AMOTL1: variants seen among roughly 807,000 people sequenced by gnomAD.
AMOTL1 encodes the protein angiomotin-like protein 1.
In AMOTL1, 45 loss-of-function variants were observed where a neutral mutation model predicts 102.9. That is an observed-to-expected ratio of 0.44 (90% CI 0.34 to 0.56). The LOEUF (loss-of-function observed/expected upper bound fraction) is 0.56. Ranked by LOEUF, AMOTL1 falls within the 20% of genes least tolerant of loss-of-function variation. The pLI is 0.01. For synonymous variants in AMOTL1, 481 were observed against 484.7 expected (o/e 0.99, Z 0.10); for missense variants, 1,114 against 1,225.6 (o/e 0.91, Z 1.36).
chr11:94,727,899 A>G (rs1009583540), intron 1 of AMOTL1, among the ~76,000 whole-genome samples: 14 of 152,164 alleles, frequency 9.2e-5, no homozygotes, highest in African/African-American at 3.1e-4. Context: ...ATATTTTTCC[A>G]GGCAGATAGC....
chr11:94,735,237 C>G (rs1055083199), intron 2 of AMOTL1, among the ~76,000 whole-genome samples: 1 of 152,232 alleles, frequency 6.6e-6, no homozygotes, highest in Non-Finnish European at 1.5e-5. Flanking sequence ...CAGACTGCTA[C>G]AGGGCAGGTT....
chr11:94,836,595 T>C (rs537109663), intron 6 of AMOTL1, among the ~76,000 whole-genome samples: 2 of 152,342 alleles, frequency 1.3e-5, no homozygotes, highest in South Asian at 4.1e-4. Flanking sequence ...GCAGTGTCAG[T>C]ATCAAAATAT....
intron 1 of AMOTL1, among the ~76,000 whole-genome samples, chr11:94,773,336 A>G (rs1290376574): frequency 6.6e-6 from 1 of 152,172 alleles, no homozygotes; most frequent in Admixed American, 6.5e-5. Context: ...TTCTTCTAAA[A>G]GTTTTATAGT....
chr11:94,814,115 T>A (rs1951726966), intron 3 of AMOTL1, among the ~76,000 whole-genome samples: 2 of 152,174 alleles, frequency 1.3e-5, no homozygotes, highest in African/African-American at 4.8e-5. Flanking sequence ...TCACTTATGG[T>A]CAATGGGAGC....
chr11:94,854,855 A>G (rs1341758402), intron 8 of AMOTL1, among the ~76,000 whole-genome samples: 5 of 152,212 alleles, frequency 3.3e-5, no homozygotes, highest in South Asian at 2.1e-4. Context: ...ATGTAAGACC[A>G]TCCCTAGAAA....
rs1391673139 is a variant in AMOTL1 at position 94,821,788 on chromosome 11, G to C, written c.1380G>C (p.Gln460His). The C allele has an allele frequency of 1.9e-6, 3 of 1,613,932 alleles. No individual in the cohort carries two copies. The highest frequency in any genetic ancestry group is 2.5e-6 in the Non-Finnish European group (3 of 1,179,916). Residue 460 changes from glutamine to histidine, a missense_variant, in exon 4 of 13, where the codon CAG becomes CAC. Physicochemically the swap from Gln to His is conservative, Grantham distance 24. Transcript: ENST00000433060. ...EENRVLHQEL[Q>H]GYYDNADKLH... ...ACCGGGTGCTTCACCAGGAACTTCA[G>C]GGTTACTACGACAATGCCGACAAGC...
At chr11:94,841,445 C>CT (rs1198388211) in intron 6 of AMOTL1, among the ~76,000 whole-genome samples, 1 of 152,064 alleles carries the variant, frequency 6.6e-6, no homozygotes, top group Non-Finnish European at 1.5e-5. Flanking sequence ...GAGCCAGACT[C>CT]TGTCTCAAAA....
chr11:94,728,723 G>A (rs1565329580), intron 1 of AMOTL1, among the ~76,000 whole-genome samples: 1 of 152,072 alleles, frequency 6.6e-6, no homozygotes, highest in Admixed American at 6.5e-5. Flanking sequence ...TTTGTTAACT[G>A]AATGGTGAGG....
At position 94,858,757 on chromosome 11, in the gene AMOTL1, C is replaced by T. The variant is rs142832929; in HGVS notation, c.1945-768C>T. ...CTCTGAAGGCAGAACTTTCTCAGAGCGCCATCTTCTTCTGTGTCATGCTCT... is the reference window on the plus strand; with the variant it reads ...CTCTGAAGGCAGAACTTTCTCAGAGTGCCATCTTCTTCTGTGTCATGCTCT... On this transcript the variant is annotated intron_variant, in intron 8 of 12. Transcript: ENST00000433060. Among the ~76,000 whole-genome samples, 21 of 152,290 alleles carry T rather than the reference C, an allele frequency of 1.4e-4. No individual in the cohort carries two copies. The East Asian group carries it at 3.5e-3, about 25-fold the overall frequency.
chr11:94,823,960 C>T (rs1369480989), intron 4 of AMOTL1, among the ~76,000 whole-genome samples: 2 of 151,922 alleles, frequency 1.3e-5, no homozygotes, highest in Non-Finnish European at 2.9e-5. Flanking sequence ...ACCTCGTGAT[C>T]CGCCCACCTC....
chr11:94,868,620 G>A (rs1244944544), intron 11 of AMOTL1, among the ~76,000 whole-genome samples: 1 of 152,188 alleles, frequency 6.6e-6, no homozygotes, highest in African/African-American at 2.4e-5. Flanking sequence ...ATCCAAGCCT[G>A]TGGGGGACCA....
At chr11:94,830,292 G>A in intron 5 of AMOTL1, 98 bp downstream of exon 5, 1 of 1,129,268 alleles carries the variant, frequency 8.9e-7, no homozygotes, top group South Asian at 1.7e-5. Flanking sequence ...CACAGGTACT[G>A]GTCTACCTGT....
rs190283379 is a variant in AMOTL1 at position 94,758,200 on chromosome 11, A to G, written c.136+17212A>G. On this transcript the variant is annotated intron_variant, in intron 3 of 4. Coordinates refer to the AMOTL1 transcript ENST00000299004. ...TTATTAGCTAAAAAATCAAATGTTC[A>G]AAGATATGGAGCAGTGCCTAATGTC... Among the ~76,000 whole-genome samples, 90 of 152,330 alleles carry G rather than the reference A, an allele frequency of 5.9e-4. 1 individual carries two copies. The highest frequency in any genetic ancestry group is 4.8e-3 in the Admixed American group (74 of 15,300).
chr11:94,845,006 G>A (rs1463517650), intron 6 of AMOTL1, among the ~76,000 whole-genome samples: 1 of 152,186 alleles, frequency 6.6e-6, no homozygotes, highest in East Asian at 1.9e-4. Flanking sequence ...TTACAGGTTT[G>A]CTGTCCTCAG....
chr11:94,837,613 G>C (rs1952211310), intron 6 of AMOTL1, among the ~76,000 whole-genome samples: 1 of 152,092 alleles, frequency 6.6e-6, no homozygotes. Flanking sequence ...CAGCCTGCAG[G>C]GCATCTGTTT....
intron 1 of AMOTL1, among the ~76,000 whole-genome samples, chr11:94,709,996 A>C (rs569674066): frequency 6.6e-6 from 1 of 152,068 alleles, no homozygotes; most frequent in South Asian, 2.1e-4. Context: ...TCATTTACTA[A>C]CTCGTTTTAC....
At chr11:94,752,531 T>C (rs575377281) in intron 3 of AMOTL1, among the ~76,000 whole-genome samples, 11 of 152,336 alleles carry the variant, frequency 7.2e-5, no homozygotes, top group Admixed American at 1.3e-4. Context: ...ATGGCACATA[T>C]GTGTGGTTAT....
At chr11:94,845,790 G>A (rs1262961294) in intron 6 of AMOTL1, among the ~76,000 whole-genome samples, 1 of 152,206 alleles carries the variant, frequency 6.6e-6, no homozygotes, top group Non-Finnish European at 1.5e-5. Flanking sequence ...ATGTAAATGG[G>A]ACCAGAGCCA....
chr11:94,792,188 G>A (rs996562810), intron 1 of AMOTL1, among the ~76,000 whole-genome samples: 1 of 152,178 alleles, frequency 6.6e-6, no homozygotes, highest in African/African-American at 2.4e-5. Flanking sequence ...GGTGAAGCTA[G>A]AAACCATCAT....
Sources: gnomAD v4.1 joint callset for allele counts (sites outside exome capture counted in the v4.1 genomes callset) on GRCh38, gnomAD v4.1.1 for gene constraint, MANE v1.5 for transcripts, NCBI Gene and HGNC (gene_info 2026-07-23, HGNC 2026-07-21) for gene names.